Variants in ARPP21 observed in about 807,000 individuals in gnomAD.
ARPP21 encodes cAMP regulated phosphoprotein 21, also known as cAMP-regulated phosphoprotein 21.
A neutral mutation model predicts 113.2 loss-of-function variants in ARPP21; 69 were observed. The observed-to-expected ratio is 0.61, with a 90% CI of 0.50 to 0.74. The LOEUF (loss-of-function observed/expected upper bound fraction) is 0.74. Ranked by LOEUF, ARPP21 falls within the 30% of genes least tolerant of loss-of-function variation. The pLI is 0.00. For missense variants in ARPP21, 1,070 were observed against 1,037.4 expected (o/e 1.03, Z -0.43); for synonymous variants, 368 against 375.5 (o/e 0.98, Z 0.23).
intron 5 of ARPP21, 151 bp downstream of exon 5, chr3:35,683,966 C>A: frequency 7.7e-7 from 1 of 1,298,170 alleles, no homozygotes. Context: ...GCTTATGCAA[C>A]ATTCTAAAAT....
At chr3:35,714,778 A>T (rs1388472747) in intron 11 of ARPP21, among the ~76,000 whole-genome samples, 5 of 152,206 alleles carry the variant, frequency 3.3e-5, no homozygotes, top group African/African-American at 1.2e-4. Flanking sequence ...AATAGAAGCT[A>T]AGAAGAAAGT....
intron 13 of ARPP21, among the ~76,000 whole-genome samples, chr3:35,719,198 A>T (rs1180752367): frequency 2.6e-5 from 4 of 151,872 alleles, no homozygotes; most frequent in Non-Finnish European, 4.4e-5. Context: ...GGAATTCAAT[A>T]CTGGACCGCA....
At chr3:35,782,619 C>G (rs1184700071) in intron 19 of ARPP21, among the ~76,000 whole-genome samples, 1 of 152,126 alleles carries the variant, frequency 6.6e-6, no homozygotes, top group African/African-American at 2.4e-5. Context: ...GTTAAACTCT[C>G]TGTCACCCAA....
At chr3:35,707,567 A>T in intron 10 of ARPP21, 1 of 456,678 alleles carries the variant, frequency 2.2e-6, no homozygotes, top group Non-Finnish European at 4.4e-6. Flanking sequence ...TTTTGCAACT[A>T]TCCTAAAATA....
intron 3 of ARPP21, 85 bp from the exon 4 acceptor site, chr3:35,682,763 T>C: frequency 9.8e-7 from 1 of 1,021,150 alleles, no homozygotes; most frequent in Non-Finnish European, 1.4e-6. Context: ...TCTCTCTTTC[T>C]TTCTCTCTCT....
chr3:35,712,509 GGTGTCTGTGTGT>G (rs1195512015), intron 11 of ARPP21, among the ~76,000 whole-genome samples: 8 of 108,448 alleles, frequency 7.4e-5, no homozygotes, highest in African/African-American at 3.2e-4. Flanking sequence ...TGGTGTCTAA[GGTGTCTGTGTGT>G]GTGTGTGTGT....
intron 19 of ARPP21, among the ~76,000 whole-genome samples, chr3:35,763,649 T>C (rs1303461600): frequency 6.6e-6 from 1 of 152,104 alleles, no homozygotes; most frequent in Admixed American, 6.6e-5. Flanking sequence ...TGAATAGATA[T>C]TACAGAAATG....
intron 8 of ARPP21, 115 bp downstream of exon 8, chr3:35,690,255 C>A: frequency 1.5e-6 from 1 of 652,736 alleles, no homozygotes; most frequent in South Asian, 1.8e-5. Context: ...TAATATGTTC[C>A]TTGATTTGTT....
chr3:35,747,922 GAAAGAAGGAGGAAAGAAAGAAAGAA>G (rs2095175564), intron 19 of ARPP21, among the ~76,000 whole-genome samples: 1 of 138,942 alleles, frequency 7.2e-6, no homozygotes, highest in Non-Finnish European at 1.5e-5. Flanking sequence ...AAAAGAAAAA[GAAAGAAGGAGGAAAGAAAGAAAGAA>G]AAAGAAAGAA....
rs952788585 is a variant in ARPP21 at position 35,793,733 on chromosome 3, C to A, written c.2319C>A (p.Pro773=). 18 of 1,612,660 alleles carry A rather than the reference C, an allele frequency of 1.1e-5. No individual in the cohort carries two copies. The highest frequency in any genetic ancestry group is 1.5e-5 in the Non-Finnish European group (18 of 1,178,684). Residue 773 remains proline (P), a synonymous_variant, in exon 21 of 21, where the codon CCC becomes CCA. Transcript: ENST00000684406. ...VPMTQGSQGL[P]QQSYQQPIML... Reference sequence around the variant, plus strand: ...TGACCCAGGGTTCTCAAGGACTGCCCCAGCAGTCATACCAACAGCCAATCA... The same window carrying A: ...TGACCCAGGGTTCTCAAGGACTGCCACAGCAGTCATACCAACAGCCAATCA...
chr3:35,671,696 A>C (rs1001243369), intron 1 of ARPP21, among the ~76,000 whole-genome samples: 1 of 152,036 alleles, frequency 6.6e-6, no homozygotes, highest in African/African-American at 2.4e-5. Flanking sequence ...GAAAAATGAC[A>C]GTTCGATGAG....
chr3:35,679,840 A>G lies in ARPP21; in HGVS notation c.-159A>G, dbSNP rs2078418270. On this transcript the variant is annotated 5_prime_UTR_variant, in exon 2 of 21. Transcript: ENST00000684406. ...AATCGCATGGAGATGGGCATTCCGAACTGTTAATGGGGACATGGGACTCCA... is the reference window on the plus strand; with the variant it reads ...AATCGCATGGAGATGGGCATTCCGAGCTGTTAATGGGGACATGGGACTCCA... 1 of 152,330 alleles carries G rather than the reference A, an allele frequency of 6.6e-6. No homozygotes were observed. The highest frequency in any genetic ancestry group is 1.5e-5 in the Non-Finnish European group (1 of 67,916). 9.4% of individuals were successfully genotyped at this position (152,330 alleles called of 1,614,324 possible). A position where few individuals can be genotyped will look rare whatever the true frequency, so the allele number is the denominator to read the frequency against.
intron 1 of ARPP21, among the ~76,000 whole-genome samples, chr3:35,676,250 T>C (rs1386345959): frequency 6.6e-6 from 1 of 151,968 alleles, no homozygotes; most frequent in Non-Finnish European, 1.5e-5. Context: ...ATTATGGTGC[T>C]ACTCCTTTGC....
intron 1 of ARPP21, among the ~76,000 whole-genome samples, chr3:35,653,705 A>G (rs1407010936): frequency 1.3e-5 from 2 of 152,082 alleles, no homozygotes; most frequent in East Asian, 3.9e-4. Flanking sequence ...TATTTTCTTC[A>G]TGAGTTACGT....
chr3:35,653,262 G>A (rs889727837), intron 1 of ARPP21, among the ~76,000 whole-genome samples: 4 of 130,444 alleles, frequency 3.1e-5, no homozygotes, highest in African/African-American at 1.2e-4. Flanking sequence ...GATTCTTGTT[G>A]AAGGAAGAAT....
chr3:35,786,133 T>C (rs898692350), intron 19 of ARPP21, among the ~76,000 whole-genome samples: 5 of 152,216 alleles, frequency 3.3e-5, no homozygotes, highest in Admixed American at 1.3e-4. Context: ...CAGTACCTAA[T>C]TATGATTTCA....
At chr3:35,753,645 G>T (rs1323033981) in intron 19 of ARPP21, among the ~76,000 whole-genome samples, 10 of 152,094 alleles carry the variant, frequency 6.6e-5, no homozygotes, top group African/African-American at 2.4e-4. Flanking sequence ...ATGTATATTT[G>T]AAAAGAGACC....
chr3:35,788,250 C>A (rs1046967486), intron 19 of ARPP21, among the ~76,000 whole-genome samples: 35 of 152,290 alleles, frequency 2.3e-4, no homozygotes, highest in Admixed American at 2.3e-3. Flanking sequence ...TTAAGCTAAG[C>A]TACTGTAATT....
intron 1 of ARPP21, among the ~76,000 whole-genome samples, chr3:35,658,184 C>G (rs1378454583): frequency 6.6e-6 from 1 of 151,956 alleles, no homozygotes; most frequent in Non-Finnish European, 1.5e-5. Flanking sequence ...ATAGATTGGG[C>G]ATGGTGATGG....
Sources: gnomAD v4.1 joint callset for allele counts (sites outside exome capture counted in the v4.1 genomes callset) on GRCh38, gnomAD v4.1.1 for gene constraint, MANE v1.5 for transcripts, NCBI Gene and HGNC (gene_info 2026-07-23, HGNC 2026-07-21) for gene names.